MCTP2: variants seen among roughly 807,000 people sequenced by gnomAD.
MCTP2 encodes the protein multiple C2 and transmembrane domain containing 2.
A neutral mutation model predicts 111.6 loss-of-function variants in MCTP2; 132 were observed. The ratio of observed to expected loss-of-function variants is 1.18; its 90% confidence interval spans 1.03 to 1.37. MCTP2 has a LOEUF of 1.37. MCTP2 is among the 40% of genes most tolerant of loss of function. The pLI, the probability that MCTP2 is intolerant of heterozygous loss-of-function variation, is 0.00. For missense variants in MCTP2, 1,183 were observed against 1,067.9 expected, an observed-to-expected ratio of 1.11 and a Z score of -1.50; for synonymous variants, 395 against 387.7, an observed-to-expected ratio of 1.02 and a Z score of -0.22.
At chr15:94,458,449 C>T (rs568589495) in intron 20 of MCTP2, among the ~76,000 whole-genome samples, 6 of 152,308 alleles carry the variant, frequency 3.9e-5, no homozygotes, top group East Asian at 1.9e-4. Flanking sequence ...GGTGACCATA[C>T]GGCCCAGTTT....
intron 2 of MCTP2, among the ~76,000 whole-genome samples, chr15:94,303,070 A>ATATATATAGTTTATATATATATAGTT (rs1256775856): frequency 1.4e-5 from 2 of 143,948 alleles, no homozygotes; most frequent in Admixed American, 1.4e-4. Flanking sequence ...GAATATATAT[A>ATATATATAGTTTATATATATATAGTT]TATAGTTTAT....
intron 1 of MCTP2, among the ~76,000 whole-genome samples, chr15:94,291,877 C>G (rs1034803265): frequency 2.0e-5 from 3 of 152,080 alleles, no homozygotes; most frequent in African/African-American, 4.8e-5. Flanking sequence ...TGGTATCTGC[C>G]ACAACTATTA....
At chr15:94,356,042 T>C in intron 8 of MCTP2, 95 bp from the exon 9 acceptor site, 1 of 1,399,182 alleles carries the variant, frequency 7.1e-7, no homozygotes, top group Non-Finnish European at 9.3e-7. Flanking sequence ...ATTTTTTTTA[T>C]AATTAAATAC....
At chr15:94,414,161 G>A (rs903515007) in intron 17 of MCTP2, among the ~76,000 whole-genome samples, 17 of 152,182 alleles carry the variant, frequency 1.1e-4, no homozygotes, top group African/African-American at 3.9e-4. Context: ...AGCAAATTAT[G>A]TGAATTGCAG....
chr15:94,469,269 G>A (rs1034412646), intron 20 of MCTP2, among the ~76,000 whole-genome samples: 3 of 152,180 alleles, frequency 2.0e-5, no homozygotes, highest in African/African-American at 7.2e-5. Flanking sequence ...CGGCACCTCA[G>A]TAGGGCGTTC....
intron 1 of MCTP2, among the ~76,000 whole-genome samples, chr15:94,245,603 C>T (rs572594998): frequency 1.4e-5 from 2 of 141,918 alleles, no homozygotes; most frequent in Non-Finnish European, 3.0e-5. Flanking sequence ...CGTATATAGA[C>T]ATATACATAT....
intron 1 of MCTP2, among the ~76,000 whole-genome samples, chr15:94,235,740 C>T (rs991692996): frequency 7.9e-5 from 12 of 152,266 alleles, no homozygotes; most frequent in East Asian, 5.8e-4. Context: ...GGAAATTGTC[C>T]GTAGTCACAC....
In MCTP2 at chr15:94,482,208, T is replaced by C. The variant is rs926487654; in HGVS notation, c.*3174T>C. 6.6e-6 allele frequency: 1 copy of C among 152,236 alleles called. No homozygotes were observed. Among genetic ancestry groups the C allele is most frequent in the Non-Finnish European group, 1.5e-5 (1 of 68,036 alleles). The allele number at this position is 152,236 out of a possible 1,614,324, so 9.4% of individuals were successfully genotyped here. A position where few individuals can be genotyped will look rare whatever the true frequency, so the allele number is the denominator to read the frequency against. On this transcript the variant is annotated 3_prime_UTR_variant, in exon 23 of 23. Coordinates refer to ENST00000357742, the MANE Select transcript of MCTP2 (RefSeq NM_001385001.1). ...GATACTTTCAAGCAACAGCATGCCATGCTCAGATTTAAGTTTGAAAAATAT... is the reference window on the plus strand; with the variant it reads ...GATACTTTCAAGCAACAGCATGCCACGCTCAGATTTAAGTTTGAAAAATAT...
chr15:94,385,723 T>G (rs2080426291), intron 14 of MCTP2, among the ~76,000 whole-genome samples, 198 bp downstream of exon 14: 1 of 152,216 alleles, frequency 6.6e-6, no homozygotes, highest in Admixed American at 6.5e-5. Context: ...TTTTTTCTGT[T>G]TCAGTCCAAT....
At chr15:94,447,304 A>G (rs1175156022) in intron 19 of MCTP2, among the ~76,000 whole-genome samples, 2 of 152,204 alleles carry the variant, frequency 1.3e-5, no homozygotes, top group African/African-American at 4.8e-5. Flanking sequence ...CTAACCAGAG[A>G]AAACTGATGT....
intron 2 of MCTP2, among the ~76,000 whole-genome samples, chr15:94,303,691 G>A (rs187808818): frequency 7.9e-5 from 12 of 152,254 alleles, no homozygotes; most frequent in Admixed American, 5.9e-4. Context: ...TGGGAATTAT[G>A]GGAGCTACAA....
chr15:94,253,078 T>C (rs1221381223), intron 1 of MCTP2, among the ~76,000 whole-genome samples: 2 of 152,158 alleles, frequency 1.3e-5, no homozygotes, highest in African/African-American at 4.8e-5. Flanking sequence ...TTTGCAATTG[T>C]TGCTTACTCC....
chr15:94,433,352 G>A (rs1301365042), intron 17 of MCTP2, among the ~76,000 whole-genome samples: 1 of 152,088 alleles, frequency 6.6e-6, no homozygotes, highest in Non-Finnish European at 1.5e-5. Context: ...TACACCTACT[G>A]GTCGCTGCTG....
chr15:94,269,184 G>A (rs2073773196), intron 1 of MCTP2, among the ~76,000 whole-genome samples: 1 of 151,988 alleles, frequency 6.6e-6, no homozygotes, highest in Admixed American at 6.5e-5. Flanking sequence ...GGTTAGTTTG[G>A]GTTTCAAATT....
intron 16 of MCTP2, among the ~76,000 whole-genome samples, chr15:94,401,690 C>T (rs1415005961): frequency 2.0e-5 from 3 of 152,140 alleles, no homozygotes; most frequent in East Asian, 1.9e-4. Flanking sequence ...TTCAGATGAG[C>T]GCTAAAATGC....
At chr15:94,354,884 T>G (rs1456410637) in intron 8 of MCTP2, among the ~76,000 whole-genome samples, 2 of 152,208 alleles carry the variant, frequency 1.3e-5, no homozygotes, top group African/African-American at 4.8e-5. Flanking sequence ...CTAAATGATC[T>G]GGAAGATATA....
At chr15:94,367,271 A>T (rs952623391) in intron 10 of MCTP2, among the ~76,000 whole-genome samples, 4 of 152,114 alleles carry the variant, frequency 2.6e-5, no homozygotes, top group Admixed American at 2.6e-4. Flanking sequence ...ATGCTTACTC[A>T]TAAGGCTTAA....
rs190755320 is a variant in MCTP2, at chr15:94,480,123, T to C, written c.*1089T>C. 3 of 152,146 alleles carry C rather than the reference T, an allele frequency of 2.0e-5. No homozygotes were observed. The highest frequency in any genetic ancestry group is 7.2e-5 in the African/African-American group (3 of 41,436). 9.4% of individuals were successfully genotyped at this position (152,146 alleles called of 1,614,324 possible). A position where few individuals can be genotyped will look rare whatever the true frequency, so the allele number is the denominator to read the frequency against. On this transcript the variant is annotated 3_prime_UTR_variant, in exon 23 of 23. Coordinates refer to ENST00000357742, the MANE Select transcript of MCTP2 (RefSeq NM_001385001.1). Reference sequence around the variant, plus strand: ...TAGCATCTGTCTCCTGCAGACCTCATCATTCCACAGTATTTCCCTGCCATG... The same window carrying C: ...TAGCATCTGTCTCCTGCAGACCTCACCATTCCACAGTATTTCCCTGCCATG...
intron 17 of MCTP2, among the ~76,000 whole-genome samples, chr15:94,429,117 C>T (rs2083033936): frequency 6.6e-6 from 1 of 151,718 alleles, no homozygotes; most frequent in Non-Finnish European, 1.5e-5. Context: ...ACCCTACCCC[C>T]TCTATATCTA....
Sources: gnomAD v4.1 joint callset for allele counts (sites outside exome capture counted in the v4.1 genomes callset) on GRCh38, gnomAD v4.1.1 for gene constraint, MANE v1.5 for transcripts, NCBI Gene and HGNC (gene_info 2026-07-23, HGNC 2026-07-21) for gene names.